Variants in FTO observed in about 807,000 individuals in gnomAD.
FTO encodes the protein alpha-ketoglutarate-dependent dioxygenase FTO.
Under a neutral mutation model 63.9 loss-of-function variants are expected in FTO, and 47 were observed. The ratio of observed to expected loss-of-function variants is 0.74; its 90% CI spans 0.58 to 0.94. The LOEUF (loss-of-function observed/expected upper bound fraction) is 0.94. Among genes scored for constraint, FTO ranks in the 40% least tolerant of loss-of-function variants. FTO has a pLI of 0.00. For missense variants in FTO, 562 were observed against 618.1 expected, an observed-to-expected ratio of 0.91 and a Z score of 0.96; for synonymous variants, 207 against 224.4, an observed-to-expected ratio of 0.92 and a Z score of 0.69.
chr16:54,041,651 G>A (rs2085078469), intron 8 of FTO, among the ~76,000 whole-genome samples: 1 of 152,154 alleles, frequency 6.6e-6, no homozygotes, highest in Admixed American at 6.5e-5. Context: ...TCCATAGGGG[G>A]CAAAGGTGAG....
In FTO at chr16:53,978,079, G is replaced by A. The variant is rs1599131988; in HGVS notation, c.1364+43970G>A. On this transcript the variant is annotated intron_variant, in intron 8 of 8. Transcript: ENST00000471389. ...GGGTCTCACTGTATTGCCCAGGCTA[G>A]ATATTTAGTATTTTATAATGAGAAA... Among the ~76,000 whole-genome samples the A allele has an allele frequency of 3.3e-5, 5 of 152,252 alleles. No individual in the cohort carries two copies. In the South Asian group the frequency reaches 1.0e-3, roughly 32 times the overall value.
intron 8 of FTO, among the ~76,000 whole-genome samples, chr16:54,063,357 T>C (rs573247072): frequency 6.6e-6 from 1 of 152,308 alleles, no homozygotes; most frequent in Non-Finnish European, 1.5e-5. Flanking sequence ...GGAAATCTGC[T>C]TTTCGTCAAT....
chr16:53,998,839 T>C (rs1682854183), intron 8 of FTO: 1 of 152,218 alleles, frequency 6.6e-6, no homozygotes, highest in Non-Finnish European at 1.5e-5. Flanking sequence ...GAATTATATG[T>C]CCATCCTTGA....
chr16:53,935,975 G>T (rs940452850), intron 8 of FTO: 1 of 152,118 alleles, frequency 6.6e-6, no homozygotes, highest in African/African-American at 2.4e-5. Flanking sequence ...CTTCCCTTCC[G>T]TCCAAAGACC....
Position 53,913,986 on chromosome 16 carries a change from G to T in FTO, c.1240-19999G>T, listed in dbSNP as rs28363900. Among the ~76,000 whole-genome samples the T allele has an allele frequency of 8.9e-5, 10 of 112,032 alleles. No individual in the cohort carries two copies. In the South Asian group the frequency reaches 3.3e-3, roughly 37 times the overall value. 73.5% of individuals were successfully genotyped at this position (112,032 alleles called of 152,430 possible). A position where few individuals can be genotyped will look rare whatever the true frequency, so the allele number is the denominator to read the frequency against. On this transcript the variant is annotated intron_variant, in intron 7 of 8. Transcript: ENST00000471389. Reference sequence around the variant, plus strand: ...AGAGTGAGGCTCTGTCTCAAAAAAAGAAAAAAAAAAAAAAAAGCTGGTCAT... The same window carrying T: ...AGAGTGAGGCTCTGTCTCAAAAAAATAAAAAAAAAAAAAAAAGCTGGTCAT...
At chr16:53,763,521 G>T (rs1192983743) in intron 1 of FTO, among the ~76,000 whole-genome samples, 2 of 152,062 alleles carry the variant, frequency 1.3e-5, no homozygotes, top group Non-Finnish European at 2.9e-5. Context: ...CCTTTCAAGG[G>T]GATCATCTGG....
chr16:53,883,930 T>C (rs1424039434), intron 6 of FTO, among the ~76,000 whole-genome samples: 1 of 152,242 alleles, frequency 6.6e-6, no homozygotes, highest in Non-Finnish European at 1.5e-5. Context: ...AGTTGCATGC[T>C]CGCTCTCTAC....
chr16:54,061,156 C>T (rs1297259268), intron 8 of FTO, among the ~76,000 whole-genome samples: 1 of 152,186 alleles, frequency 6.6e-6, no homozygotes, highest in Non-Finnish European at 1.5e-5. Context: ...AAGGGAAGGA[C>T]ACACAAAGAA....
At chr16:53,890,820 G>A (rs2081125201) in intron 7 of FTO, among the ~76,000 whole-genome samples, 1 of 151,962 alleles carries the variant, frequency 6.6e-6, no homozygotes, top group South Asian at 2.1e-4. Context: ...TTCAATTTCA[G>A]GGCAACATTT....
intron 6 of FTO, among the ~76,000 whole-genome samples, chr16:53,882,702 G>T (rs989240995): frequency 1.3e-5 from 2 of 152,314 alleles, no homozygotes; most frequent in South Asian, 4.2e-4. Context: ...TAAGGACAAG[G>T]CCTTTCCTTT....
intron 1 of FTO, among the ~76,000 whole-genome samples, chr16:53,788,043 T>G (rs2077796251): frequency 6.6e-6 from 1 of 152,166 alleles, no homozygotes; most frequent in South Asian, 2.1e-4. Flanking sequence ...AGGATTGGTG[T>G]TGAAGATCAA....
chr16:53,796,291 G>A (rs538784297), intron 1 of FTO, among the ~76,000 whole-genome samples: 14 of 152,066 alleles, frequency 9.2e-5, no homozygotes, highest in Admixed American at 9.2e-4. Flanking sequence ...TGATCGGCCC[G>A]CATTGGCCTC....
intron 6 of FTO, among the ~76,000 whole-genome samples, chr16:53,880,290 C>T (rs2080787568): frequency 6.6e-6 from 1 of 152,196 alleles, no homozygotes; most frequent in African/African-American, 2.4e-5. Context: ...AGCCACTGTG[C>T]CTGGCAAGAC....
chr16:54,080,565 G>A (rs977372727), intron 8 of FTO, among the ~76,000 whole-genome samples: 4 of 152,166 alleles, frequency 2.6e-5, no homozygotes, highest in African/African-American at 9.7e-5. Flanking sequence ...ATGGTGAGGG[G>A]ACTCTGTTAG....
Position 54,118,561 on chromosome 16 carries a change from C to G in FTO, c.*6646C>G, listed in dbSNP as rs1206565343. 1 of 152,144 alleles carries G rather than the reference C, an allele frequency of 6.6e-6. No individual in the cohort carries two copies. Among genetic ancestry groups the G allele is most frequent in the Non-Finnish European group, 1.5e-5 (1 of 68,060 alleles). The allele number at this position is 152,144 out of a possible 1,614,324, so 9.4% of individuals were successfully genotyped here. On this transcript the variant is annotated 3_prime_UTR_variant, in exon 9 of 9. Transcript: ENST00000471389. Reference sequence around the variant, plus strand: ...AGAGACAGGATTTCACCACATTACACAGGCTGGTTTCAAACTCCGAGGCTC... The same window carrying G: ...AGAGACAGGATTTCACCACATTACAGAGGCTGGTTTCAAACTCCGAGGCTC...
rs960554013 is a variant in FTO, at chr16:53,838,291, CAG to C, written c.752-5861_752-5860del. The stretch of plus-strand genomic sequence containing the variant: ...TCCTCCAGGTGTGGAGTTAAGGAAA[CAG>C]AGGAAGTAATCACAAGGGTGGGAAT... On this transcript the variant is annotated intron_variant, in intron 3 of 8. Transcript: ENST00000471389. Among the ~76,000 whole-genome samples, 94 of 152,140 alleles carry C rather than the reference CAG, an allele frequency of 6.2e-4. 1 individual carries two copies. The highest frequency in any genetic ancestry group is 2.2e-3 in the African/African-American group (90 of 41,430).
intron 8 of FTO, among the ~76,000 whole-genome samples, chr16:53,995,910 C>T (rs1409890428): frequency 6.6e-6 from 1 of 152,142 alleles, no homozygotes; most frequent in East Asian, 1.9e-4. Flanking sequence ...CTGTGAGACA[C>T]AAGGCCAAGT....
chr16:53,791,620 A>G (rs1181762614), intron 1 of FTO, among the ~76,000 whole-genome samples: 1 of 152,216 alleles, frequency 6.6e-6, no homozygotes, highest in Non-Finnish European at 1.5e-5. Flanking sequence ...ATGACTATTT[A>G]CTTTTTATAA....
intron 8 of FTO, among the ~76,000 whole-genome samples, chr16:54,024,380 C>T (rs6499673): frequency 0.31 from 47,064 of 151,816 alleles, 7,796 homozygotes; most frequent in South Asian, 0.44. Context: ...CACACCACCA[C>T]GCCCAGCTAA....
Sources: allele counts gnomAD v4.1 joint callset (sites outside exome capture counted in the v4.1 genomes callset), GRCh38; gene constraint gnomAD v4.1.1; transcripts MANE v1.5; gene names NCBI Gene and HGNC (gene_info 2026-07-23, HGNC 2026-07-21).